The following ARHGEF28 variants were observed in gnomAD, a reference collection of about 807,000 sequenced individuals.
ARHGEF28 encodes the protein Rho guanine nucleotide exchange factor 28.
Under a neutral mutation model 206.6 loss-of-function variants are expected in ARHGEF28, and 152 were observed. The observed-to-expected ratio is 0.74, with a 90% CI of 0.64 to 0.84. The LOEUF (loss-of-function observed/expected upper bound fraction) is 0.84, where lower values mean the gene tolerates loss of function less well. Ranked by LOEUF, ARHGEF28 falls within the 40% of genes least tolerant of loss-of-function variation. ARHGEF28 has a pLI of 0.00. For synonymous variants in ARHGEF28, 763 were observed against 776.4 expected (o/e 0.98, Z 0.29); for missense variants, 2,028 against 2,073.2 (o/e 0.98, Z 0.42).
chr5:73,807,125 A>T (rs944765841), intron 9 of ARHGEF28, among the ~76,000 whole-genome samples: 2 of 149,894 alleles, frequency 1.3e-5, no homozygotes, highest in Non-Finnish European at 1.5e-5. Context: ...TCTTCCTAAT[A>T]GGAGGGATTT....
chr5:73,895,801 C>T (rs1409856576), intron 29 of ARHGEF28, among the ~76,000 whole-genome samples: 2 of 152,200 alleles, frequency 1.3e-5, no homozygotes, highest in African/African-American at 4.8e-5. Context: ...AAAACCTAAA[C>T]TATTAACTGG....
chr5:73,864,659 A>G (rs887406304), intron 16 of ARHGEF28, among the ~76,000 whole-genome samples, 158 bp from the exon 17 acceptor site: 1 of 152,238 alleles, frequency 6.6e-6, no homozygotes, highest in African/African-American at 2.4e-5. Flanking sequence ...GTGAGGATAC[A>G]TGTGATTTAA....
intron 1 of ARHGEF28, among the ~76,000 whole-genome samples, chr5:73,664,948 A>T (rs771645728): frequency 2.2e-4 from 33 of 152,118 alleles, no homozygotes; most frequent in Non-Finnish European, 2.4e-4. Flanking sequence ...GGAACCAAGG[A>T]GTCACATTAA....
At chr5:73,683,332 T>A (rs181355114) in intron 1 of ARHGEF28, among the ~76,000 whole-genome samples, 3 of 152,274 alleles carry the variant, frequency 2.0e-5, no homozygotes, top group Admixed American at 6.5e-5. Context: ...TGAAAGTCCA[T>A]ATCCAATAAA....
intron 16 of ARHGEF28, among the ~76,000 whole-genome samples, chr5:73,859,987 C>A (rs1759290612): frequency 6.6e-6 from 1 of 152,216 alleles, no homozygotes; most frequent in African/African-American, 2.4e-5. Flanking sequence ...AACTGAGAGT[C>A]ACTTTCTAGT....
intron 9 of ARHGEF28, among the ~76,000 whole-genome samples, chr5:73,797,490 T>G (rs1438170214): frequency 6.6e-6 from 1 of 152,188 alleles, no homozygotes; most frequent in Non-Finnish European, 1.5e-5. Flanking sequence ...AACTTCTGCC[T>G]CCTGGGTTCA....
intron 9 of ARHGEF28, among the ~76,000 whole-genome samples, chr5:73,805,837 C>T (rs1427081831): frequency 3.9e-5 from 6 of 152,060 alleles, no homozygotes; most frequent in Non-Finnish European, 8.8e-5. Flanking sequence ...AGGAACCACA[C>T]CCCAGAAGCA....
chr5:73,917,274 CTT>C (rs1327190460), intron 35 of ARHGEF28, among the ~76,000 whole-genome samples: 3 of 152,156 alleles, frequency 2.0e-5, no homozygotes, highest in Non-Finnish European at 4.4e-5. Context: ...TCTGGCAACT[CTT>C]TCTTCTAGAA....
chr5:73,783,345 AGTGTGT>A (rs57320048), intron 7 of ARHGEF28, among the ~76,000 whole-genome samples: 325 of 145,888 alleles, frequency 2.2e-3, no homozygotes, highest in African/African-American at 6.1e-3. Context: ...CCTGGAATAT[AGTGTGT>A]GTGTGTGTGT....
chr5:73,789,612 TATATACCA>T (rs1754348146), intron 7 of ARHGEF28, among the ~76,000 whole-genome samples: 1 of 151,966 alleles, frequency 6.6e-6, no homozygotes, highest in Non-Finnish European at 1.5e-5. Flanking sequence ...TATGGGGGAG[TATATACCA>T]ACATTTAATG....
chr5:73,855,258 G>A (rs1226261950), intron 14 of ARHGEF28, among the ~76,000 whole-genome samples: 2 of 152,070 alleles, frequency 1.3e-5, no homozygotes, highest in Non-Finnish European at 2.9e-5. Context: ...CATTTGCCCA[G>A]AGGTTATACA....
intron 11 of ARHGEF28, 83 bp downstream of exon 11, chr5:73,840,843 T>C (rs1757946807): frequency 2.2e-6 from 3 of 1,391,018 alleles, no homozygotes; most frequent in Non-Finnish European, 2.9e-6. Flanking sequence ...TTTTAAACTT[T>C]TTATTGTCTC....
At chr5:73,830,537 A>G (rs541829246) in intron 9 of ARHGEF28, among the ~76,000 whole-genome samples, 11 of 148,604 alleles carry the variant, frequency 7.4e-5, no homozygotes, top group Middle Eastern at 3.5e-3. Flanking sequence ...CTGGTGACAG[A>G]GCGAAACTCC....
intron 9 of ARHGEF28, among the ~76,000 whole-genome samples, chr5:73,820,045 A>G (rs1259103096): frequency 1.3e-5 from 2 of 152,182 alleles, no homozygotes; most frequent in Middle Eastern, 3.2e-3. Context: ...CCAGCCCATT[A>G]TCACATCTCC....
intron 27 of ARHGEF28, among the ~76,000 whole-genome samples, 175 bp from the exon 28 acceptor site, chr5:73,893,022 T>C (rs1311774883): frequency 6.6e-6 from 1 of 152,166 alleles, no homozygotes; most frequent in Non-Finnish European, 1.5e-5. Flanking sequence ...TATGCAAGAT[T>C]CTTTGTATTC....
At chr5:73,696,969 A>T (rs1196370103) in intron 2 of ARHGEF28, among the ~76,000 whole-genome samples, 1 of 152,220 alleles carries the variant, frequency 6.6e-6, no homozygotes, top group Non-Finnish European at 1.5e-5. Flanking sequence ...AGAGATAGAG[A>T]GATGGTCCAG....
chr5:73,904,706 CT>C (rs1321346585), intron 33 of ARHGEF28: 2 of 337,536 alleles, frequency 5.9e-6, no homozygotes, highest in African/African-American at 4.2e-5. Flanking sequence ...TGTAGCATGA[CT>C]TCACATTTTC....
intron 2 of ARHGEF28, among the ~76,000 whole-genome samples, chr5:73,685,277 A>AACAAAAAGTGTTGGG (rs1425068700): frequency 6.6e-6 from 1 of 152,108 alleles, no homozygotes; most frequent in Non-Finnish European, 1.5e-5. Context: ...TAAGAATTCA[A>AACAAAAAGTGTTGGG]ACAAAAAGTG....
At chr5:73,874,527 C>T (rs1760318171) in intron 22 of ARHGEF28, among the ~76,000 whole-genome samples, 1 of 147,190 alleles carries the variant, frequency 6.8e-6, no homozygotes. Flanking sequence ...CGTCATTTAG[C>T]ATTAGGTATA....
Sources: allele counts gnomAD v4.1 joint callset (sites outside exome capture counted in the v4.1 genomes callset), GRCh38; gene constraint gnomAD v4.1.1; transcripts MANE v1.5; gene names NCBI Gene and HGNC (gene_info 2026-07-23, HGNC 2026-07-21).